Variants in CTRB1 observed in about 807,000 individuals in gnomAD.
CTRB1 encodes chymotrypsinogen B.
In CTRB1, 15 loss-of-function variants were observed where a neutral mutation model predicts 20.4. The ratio of observed to expected loss-of-function variants is 0.74; its 90% CI spans 0.49 to 1.13. The LOEUF is 1.13. CTRB1 is among the 50% of genes most tolerant of loss of function. The pLI is 0.00. For synonymous variants in CTRB1, 92 were observed against 128.4 expected (o/e 0.72, Z 1.92); for missense variants, 227 against 290.1 (o/e 0.78, Z 1.58).
chr16:75,219,976 T>C (rs557268042), intron 1 of CTRB1, among the ~76,000 whole-genome samples: 25 of 152,222 alleles, frequency 1.6e-4, no homozygotes, highest in African/African-American at 5.5e-4. Flanking sequence ...CGGTATTCTA[T>C]CCTGTTTTTG....
At chr16:75,222,550 C>T (rs139029455) in intron 1 of CTRB1, 339 of 591,410 alleles carry the variant, frequency 5.7e-4, no homozygotes, top group African/African-American at 5.6e-3. Flanking sequence ...GGAGACATGA[C>T]GCTCTGCATC....
At chr16:75,220,486 G>C (rs1462293319) in intron 1 of CTRB1, among the ~76,000 whole-genome samples, 2 of 152,068 alleles carry the variant, frequency 1.3e-5, no homozygotes, top group Non-Finnish European at 2.9e-5. Context: ...GCCCGACCTG[G>C]GGTCTTATTA....
chr16:75,221,073 G>A (rs893901785), intron 1 of CTRB1, among the ~76,000 whole-genome samples: 1 of 152,140 alleles, frequency 6.6e-6, no homozygotes, highest in Non-Finnish European at 1.5e-5. Flanking sequence ...GCTCTGAAAC[G>A]TCAGGGAGGC....
chr16:75,223,365 C>A (rs2076709244), intron 4 of CTRB1, 83 bp from the exon 5 acceptor site: 1 of 1,360,314 alleles, frequency 7.4e-7, no homozygotes, highest in African/African-American at 1.4e-5. Context: ...TTAACGGGCA[C>A]CAGGGAAGGA....
chr16:75,221,934 A>G (rs966544551), intron 1 of CTRB1, among the ~76,000 whole-genome samples: 2 of 151,540 alleles, frequency 1.3e-5, no homozygotes, highest in African/African-American at 2.4e-5. Flanking sequence ...GGTGGCGGGC[A>G]CCTGTAGTCC....
rs1389545800 is a variant in CTRB1 at position 75,222,781 on chromosome 16, C to A, written c.66C>A (p.Pro22=). The A allele has an allele frequency of 1.9e-6, 3 of 1,556,164 alleles. No individual in the cohort carries two copies. Among genetic ancestry groups the A allele is most frequent in the Non-Finnish European group, 2.6e-6 (3 of 1,149,264 alleles). Reference sequence around the variant, plus strand: ...ACTCCCCCCCAGGCTGCGGGGTCCCCGCCATCCACCCTGTGCTCAGCGGCC... The same window carrying A: ...ACTCCCCCCCAGGCTGCGGGGTCCCAGCCATCCACCCTGTGCTCAGCGGCC... ...LVGAAFGCGV[P]AIHPVLSGLS... is the part of the protein sequence containing the mutation. Residue 22 remains proline (P), a synonymous_variant, in exon 2 of 7, where the codon CCC becomes CCA. Coordinates refer to ENST00000361017, the MANE Select transcript of CTRB1 (RefSeq NM_001906.6).
chr16:75,219,801 T>G (rs1030707022), intron 1 of CTRB1, among the ~76,000 whole-genome samples: 1 of 152,278 alleles, frequency 6.6e-6, no homozygotes, highest in African/African-American at 2.4e-5. Flanking sequence ...CAGATATTTC[T>G]AAAACAGATT....
At chr16:75,219,966 C>T (rs537655493) in intron 1 of CTRB1, among the ~76,000 whole-genome samples, 35 of 152,188 alleles carry the variant, frequency 2.3e-4, no homozygotes, top group African/African-American at 7.7e-4. Context: ...ATCAATGGAA[C>T]GGTATTCTAT....
chr16:75,219,808 G>C (rs8063401), intron 1 of CTRB1, among the ~76,000 whole-genome samples: 1,898 of 152,330 alleles, frequency 0.012, 39 homozygotes, highest in African/African-American at 0.044. Context: ...TTCTAAAACA[G>C]ATTGTACTCA....
intron 1 of CTRB1, among the ~76,000 whole-genome samples, chr16:75,220,530 G>T (rs113559670): frequency 6.6e-6 from 1 of 152,096 alleles, no homozygotes; most frequent in Admixed American, 6.6e-5. Context: ...TCCTGTGCTC[G>T]AGTGATCTGC....
At chr16:75,221,052 C>T (rs915135531) in intron 1 of CTRB1, among the ~76,000 whole-genome samples, 1 of 152,138 alleles carries the variant, frequency 6.6e-6, no homozygotes, top group Admixed American at 6.5e-5. Flanking sequence ...ATTACAATAC[C>T]AGTTTTTGAT....
chr16:75,222,108 C>A (rs1414697987), intron 1 of CTRB1, among the ~76,000 whole-genome samples: 5 of 149,734 alleles, frequency 3.3e-5, no homozygotes, highest in African/African-American at 1.2e-4. Flanking sequence ...TTGCAGTGGG[C>A]CATGATGACA....
chr16:75,219,410 A>T (rs1302540935), intron 1 of CTRB1, among the ~76,000 whole-genome samples: 4 of 148,506 alleles, frequency 2.7e-5, no homozygotes, highest in African/African-American at 7.5e-5. Flanking sequence ...TTTTTTTTCG[A>T]GACAGAATTT....
chr16:75,223,941 G>A (rs1336524142), intron 5 of CTRB1, 114 bp from the exon 6 acceptor site: 16 of 398,088 alleles, frequency 4.0e-5, no homozygotes, highest in East Asian at 1.2e-4. Flanking sequence ...TCCAGGGGCC[G>A]TACCCAACAT....
chr16:75,221,522 G>C (rs1284086524), intron 1 of CTRB1, among the ~76,000 whole-genome samples: 3 of 152,030 alleles, frequency 2.0e-5, no homozygotes, highest in Admixed American at 2.0e-4. Context: ...ACCATGCCCG[G>C]CTAATTTTTG....
At chr16:75,219,242 C>T (rs556038074) in intron 1 of CTRB1, among the ~76,000 whole-genome samples, 183 bp downstream of exon 1, 13 of 152,236 alleles carry the variant, frequency 8.5e-5, no homozygotes, top group African/African-American at 2.6e-4. Flanking sequence ...GTGGGAAGGA[C>T]GATGCTGGTC....
chr16:75,222,065 A>G (rs1469814188), intron 1 of CTRB1, among the ~76,000 whole-genome samples: 4 of 11,874 alleles, frequency 3.4e-4, no homozygotes, highest in Non-Finnish European at 7.7e-4. Flanking sequence ...TCTCAAAAAG[A>G]AAAAAAAAAA....
intron 1 of CTRB1, among the ~76,000 whole-genome samples, chr16:75,221,836 G>A (rs537609996): frequency 6.6e-6 from 1 of 151,814 alleles, no homozygotes; most frequent in South Asian, 2.1e-4. Flanking sequence ...GCCGAGGCGG[G>A]TGGATCACAA....
At chr16:75,221,413 G>A (rs2039082181) in intron 1 of CTRB1, among the ~76,000 whole-genome samples, 1 of 152,156 alleles carries the variant, frequency 6.6e-6, no homozygotes, top group South Asian at 2.1e-4. Context: ...AGGCTGGAGT[G>A]CAGTGGCACG....
Sources: gnomAD v4.1 joint callset for allele counts (sites outside exome capture counted in the v4.1 genomes callset) on GRCh38, gnomAD v4.1.1 for gene constraint, MANE v1.5 for transcripts, NCBI Gene and HGNC (gene_info 2026-07-23, HGNC 2026-07-21) for gene names.